The following ZRANB3 variants were observed in gnomAD, a reference collection of about 807,000 sequenced individuals.
The protein encoded by ZRANB3 is DNA annealing helicase and endonuclease ZRANB3.
In ZRANB3, 125 loss-of-function variants were observed where a neutral mutation model predicts 133.8. That is an observed-to-expected ratio of 0.93 (90% CI 0.81 to 1.08). The LOEUF is 1.08. ZRANB3 is among the 50% of genes least tolerant of loss of function. The pLI is 0.00. For missense variants in ZRANB3, 1,229 were observed against 1,275.5 expected (o/e 0.96, Z 0.56); for synonymous variants, 387 against 432.7 (o/e 0.89, Z 1.31).
Position 135,207,559 on chromosome 2 carries a change from G to A in ZRANB3, c.2884C>T (p.His962Tyr). The A allele has an allele frequency of 6.2e-7, 1 of 1,614,004 alleles. No individual in the cohort carries two copies. The highest frequency in any genetic ancestry group is 2.2e-5 in the East Asian group (1 of 44,878). Residue 962 changes from histidine to tyrosine, a missense_variant, in exon 19 of 21, where the codon CAT becomes TAT. Physicochemically the swap from His to Tyr is moderately conservative, Grantham distance 83. Coordinates refer to ENST00000264159, the MANE Select transcript of ZRANB3 (RefSeq NM_032143.4). ...YLRAKVFETE[H>Y]GVCQLCNVNA... ...ACATTACAGAGCTGACACACACCAT[G>A]TTCAGTTTCAAATACTTTGGCTCTC... is the stretch of plus-strand genomic sequence containing the variant.
At chr2:135,233,334 G>A (rs1695122536) in intron 12 of ZRANB3, among the ~76,000 whole-genome samples, 1 of 152,216 alleles carries the variant, frequency 6.6e-6, no homozygotes, top group African/African-American at 2.4e-5. Context: ...ACCTGAAACT[G>A]ATGGGGAGAA....
chr2:135,493,494 T>C (rs1057140924), intron 2 of ZRANB3, among the ~76,000 whole-genome samples: 1 of 151,852 alleles, frequency 6.6e-6, no homozygotes, highest in Non-Finnish European at 1.5e-5. Flanking sequence ...TTTCAGTACT[T>C]TACAATGTAT....
chr2:135,207,737 T>C lies in ZRANB3; in HGVS notation c.2706A>G (p.Gln902=). Residue 902 remains glutamine, a synonymous_variant, in exon 19 of 21, where the codon CAA becomes CAG. Transcript: ENST00000264159. ...VKPSTSKGYL[Q]AVDNEGNPLC... is the part of the protein sequence containing the mutation. ...GTGGATTTCCTTCATTATCCACAGC[T>C]TGCAAATAGCCTTTGGATGTAGAGG... 6.2e-7 allele frequency: 1 copy of C among 1,614,052 alleles called. No individual in the cohort carries two copies. Among genetic ancestry groups the C allele is most frequent in the Non-Finnish European group, 8.5e-7 (1 of 1,179,894 alleles).
At chr2:135,384,742 C>A (rs917949335) in intron 3 of ZRANB3, among the ~76,000 whole-genome samples, 1 of 152,140 alleles carries the variant, frequency 6.6e-6, no homozygotes. Context: ...ATGACAAAAA[C>A]CACATGATTA....
rs926223626 is a variant in ZRANB3 at position 135,344,796 on chromosome 2, T to C, written c.677+754A>G. Among the ~76,000 whole-genome samples the C allele has an allele frequency of 2.0e-5, 3 of 152,070 alleles. No homozygotes were observed. In the East Asian group the frequency reaches 5.8e-4, roughly 29 times the overall value. ...ATATCAAAGCTCTTTGAGTAACTGA[T>C]ATGGAAAGATCTACAATACATACTA... On this transcript the variant is annotated intron_variant, in intron 6 of 20. Transcript: ENST00000264159.
intron 2 of ZRANB3, among the ~76,000 whole-genome samples, chr2:135,392,665 T>C (rs927474480): frequency 2.6e-5 from 4 of 152,012 alleles, no homozygotes; most frequent in African/African-American, 4.8e-5. Flanking sequence ...GGAGAAACAC[T>C]TGAACCCGGG....
At position 135,374,121 on chromosome 2, in the gene ZRANB3, C is replaced by A. The variant is rs564037991; in HGVS notation, c.180+16681G>T. ...AATGGAAGAAACAGGTAGTGGCTAG[C>A]TTGTGAAGTGCTTTACTCTATCGGC... On this transcript the variant is annotated intron_variant, in intron 3 of 20. Coordinates refer to ENST00000264159, the MANE Select transcript of ZRANB3 (RefSeq NM_032143.4). Among the ~76,000 whole-genome samples, 7 of 152,210 alleles carry A rather than the reference C, an allele frequency of 4.6e-5. No homozygotes were observed. In the South Asian group the frequency reaches 1.5e-3, roughly 32 times the overall value.
At chr2:135,453,273 G>A (rs570592480) in intron 2 of ZRANB3, among the ~76,000 whole-genome samples, 1 of 152,344 alleles carries the variant, frequency 6.6e-6, no homozygotes, top group East Asian at 1.9e-4. Flanking sequence ...GGGCCTCCAG[G>A]CCTGTGATGG....
intron 2 of ZRANB3, among the ~76,000 whole-genome samples, chr2:135,399,115 C>T (rs927562192): frequency 4.6e-5 from 7 of 152,066 alleles, no homozygotes; most frequent in African/African-American, 1.4e-4. Context: ...TTTACTTGAA[C>T]GGCCATACAT....
chr2:135,452,347 A>C (rs1690314765), intron 2 of ZRANB3, among the ~76,000 whole-genome samples: 1 of 152,072 alleles, frequency 6.6e-6, no homozygotes, highest in Non-Finnish European at 1.5e-5. Flanking sequence ...ACACAGCCAA[A>C]CCATATCATT....
intron 2 of ZRANB3, among the ~76,000 whole-genome samples, chr2:135,500,276 G>A (rs1305819057): frequency 6.6e-6 from 1 of 152,042 alleles, no homozygotes; most frequent in Non-Finnish European, 1.5e-5. Flanking sequence ...ATTCTTCTTG[G>A]TAGATATACA....
At chr2:135,370,269 G>A (rs1686116552) in intron 3 of ZRANB3, among the ~76,000 whole-genome samples, 1 of 151,192 alleles carries the variant, frequency 6.6e-6, no homozygotes, top group Non-Finnish European at 1.5e-5. Context: ...AGATTTTGGT[G>A]CACCCATCAC....
intron 1 of ZRANB3, among the ~76,000 whole-genome samples, chr2:135,506,903 T>C (rs927762136): frequency 6.6e-6 from 1 of 152,192 alleles, no homozygotes; most frequent in Non-Finnish European, 1.5e-5. Context: ...GTCAGTTCTG[T>C]CTGAATAAGG....
chr2:135,209,177 C>G (rs1694000631), intron 17 of ZRANB3, among the ~76,000 whole-genome samples, 199 bp from the exon 18 acceptor site: 1 of 152,032 alleles, frequency 6.6e-6, no homozygotes, highest in South Asian at 2.1e-4. Context: ...TCTCTTTGTT[C>G]CAAATTAGTT....
At chr2:135,474,415 G>T (rs1260424232) in intron 2 of ZRANB3, among the ~76,000 whole-genome samples, 1 of 152,142 alleles carries the variant, frequency 6.6e-6, no homozygotes, top group East Asian at 1.9e-4. Context: ...CAATGGTGGA[G>T]GTAGGGTATC....
At chr2:135,227,266 TGGAATCAACCAAAAAGTA>T in intron 14 of ZRANB3, among the ~76,000 whole-genome samples, 1 of 152,286 alleles carries the variant, frequency 6.6e-6, no homozygotes, top group Middle Eastern at 3.4e-3. Flanking sequence ...AAATAATGAA[TGGAATCAACCAAAAAGTA>T]AACAAACCCA....
At chr2:135,373,803 G>GGGGAGGGGAA (rs1686292311) in intron 3 of ZRANB3, among the ~76,000 whole-genome samples, 1 of 128,620 alleles carries the variant, frequency 7.8e-6, no homozygotes, top group South Asian at 3.1e-4. Flanking sequence ...AAAAGAAAGA[G>GGGGAGGGGAA]GGGAGGGGAG....
At chr2:135,226,691 C>T (rs1309293565) in intron 14 of ZRANB3, among the ~76,000 whole-genome samples, 2 of 152,190 alleles carry the variant, frequency 1.3e-5, no homozygotes, top group African/African-American at 4.8e-5. Flanking sequence ...TGAAGAGACT[C>T]ATAGCCCAGG....
chr2:135,388,965 C>G (rs895292448), intron 3 of ZRANB3, among the ~76,000 whole-genome samples: 1 of 152,116 alleles, frequency 6.6e-6, no homozygotes, highest in African/African-American at 2.4e-5. Context: ...GTAGTCCCAG[C>G]TACTCGGGAG....
Sources: gnomAD v4.1 joint callset for allele counts (sites outside exome capture counted in the v4.1 genomes callset) on GRCh38, gnomAD v4.1.1 for gene constraint, MANE v1.5 for transcripts, NCBI Gene and HGNC (gene_info 2026-07-23, HGNC 2026-07-21) for gene names.